Variants in NTN1 observed in about 807,000 individuals in gnomAD.
NTN1 encodes the protein netrin 1.
Under a neutral mutation model 54.2 loss-of-function variants are expected in NTN1, and 11 were observed. The ratio of observed to expected loss-of-function variants is 0.20; its 90% CI spans 0.13 to 0.34. NTN1 has a LOEUF of 0.34. NTN1 is among the 10% of genes least tolerant of loss of function. The probability of loss-of-function intolerance (pLI) is 1.00; values close to 1 mark genes in which losing one functional copy is unlikely to be tolerated. For synonymous variants in NTN1, 371 were observed against 382.0 expected (o/e 0.97, Z 0.33); for missense variants, 740 against 893.1 (o/e 0.83, Z 2.18).
At chr17:9,092,859 C>T (rs1054044993) in intron 2 of NTN1, among the ~76,000 whole-genome samples, 6 of 151,968 alleles carry the variant, frequency 3.9e-5, no homozygotes, top group African/African-American at 7.3e-5. Context: ...CCCAGGTTCA[C>T]GCCATTCTCC....
intron 2 of NTN1, among the ~76,000 whole-genome samples, chr17:9,107,027 A>C (rs1187625785): frequency 6.6e-6 from 1 of 152,192 alleles, no homozygotes; most frequent in East Asian, 1.9e-4. Context: ...GTGGTCCCTC[A>C]TCTAGATAAA....
intron 3 of NTN1, among the ~76,000 whole-genome samples, 196 bp from the exon 4 acceptor site, chr17:9,179,611 A>T (rs1397052267): frequency 6.6e-6 from 1 of 151,926 alleles, no homozygotes; most frequent in Non-Finnish European, 1.5e-5. Flanking sequence ...TTTGGTTTTT[A>T]TTCTCCGTTT....
rs867203426 is a variant in NTN1, at chr17:9,033,905, G to A, written c.1018+10514G>A. Among the ~76,000 whole-genome samples the A allele has an allele frequency of 1.4e-4, 15 of 107,644 alleles. No individual in the cohort carries two copies. The South Asian group carries it at 3.0e-3, about 21-fold the overall frequency. The allele number at this position is 107,644 out of a possible 152,430, so 70.6% of individuals were successfully genotyped here. The stretch of plus-strand genomic sequence containing the variant: ...GCATTCCAGCCTGGGCAACAAGAGC[G>A]AAACTCTGTCTCAAAAAAAAAAAAA... On this transcript the variant is annotated intron_variant, in intron 2 of 6. Coordinates refer to ENST00000173229, the MANE Select transcript of NTN1 (RefSeq NM_004822.3).
intron 2 of NTN1, among the ~76,000 whole-genome samples, chr17:9,061,568 G>T (rs1484316185): frequency 1.3e-5 from 2 of 152,160 alleles, no homozygotes; most frequent in East Asian, 1.9e-4. Context: ...TTGGAGTGGG[G>T]CCCTAGGATT....
chr17:9,202,618 A>G (rs1319913399), intron 5 of NTN1, among the ~76,000 whole-genome samples: 1 of 152,170 alleles, frequency 6.6e-6, no homozygotes, highest in Non-Finnish European at 1.5e-5. Context: ...TTCCCCATAA[A>G]TAGGGTTCCC....
At chr17:9,019,114 G>C (rs1363288171), upstream of NTN1, among the ~76,000 whole-genome samples, 1 of 152,144 alleles carries the variant, frequency 6.6e-6, no homozygotes, top group Non-Finnish European at 1.5e-5. Flanking sequence ...AGGTGTAGAG[G>C]TTGGAACTCC....
chr17:9,007,263 TCTCTTTC>T, the NTN1 span, among the ~76,000 whole-genome samples: 9 of 150,838 alleles, frequency 6.0e-5, no homozygotes, highest in African/African-American at 2.2e-4. Context: ...CTTCTCTTTC[TCTCTTTC>T]TTTTCTTTCA....
At chr17:9,020,491 G>A (rs2091842454), upstream of NTN1, among the ~76,000 whole-genome samples, 1 of 152,232 alleles carries the variant, frequency 6.6e-6, no homozygotes, top group African/African-American at 2.4e-5. Flanking sequence ...TGCATTTGAC[G>A]AATGCCCTGC....
intron 3 of NTN1, among the ~76,000 whole-genome samples, chr17:9,167,443 C>T (rs966339898): frequency 2.0e-5 from 3 of 152,168 alleles, no homozygotes; most frequent in African/African-American, 7.2e-5. Context: ...AGGAGTCTCC[C>T]GTGAACCGAA....
chr17:9,184,111 A>T (rs1168217151), intron 5 of NTN1, among the ~76,000 whole-genome samples: 1 of 152,248 alleles, frequency 6.6e-6, no homozygotes. Flanking sequence ...TACAGACTGG[A>T]TTTTGGAGAG....
At chr17:9,027,000 G>T (rs919516260) in intron 2 of NTN1, among the ~76,000 whole-genome samples, 3 of 152,128 alleles carry the variant, frequency 2.0e-5, no homozygotes. Context: ...GCTTGTGATT[G>T]TTTAAATGTG....
At chr17:9,230,451 C>CT (rs1247671213) in intron 6 of NTN1, among the ~76,000 whole-genome samples, 1 of 49,078 alleles carries the variant, frequency 2.0e-5, no homozygotes, top group Admixed American at 2.2e-4. Flanking sequence ...AGATGTGACC[C>CT]CCCCCCCGAG....
Position 9,162,977 on chromosome 17 carries a change from A to C in NTN1, c.1183A>C (p.Ile395Leu), listed in dbSNP as rs769085897. The C allele has an allele frequency of 6.2e-7, 1 of 1,612,358 alleles. No individual in the cohort carries two copies. The change falls in exon 3 of 7, where the codon ATC (isoleucine) becomes CTC (leucine). Residue 395 changes from isoleucine to leucine, a missense_variant. Physicochemically the swap from Ile to Leu is conservative, Grantham distance 5 (BLOSUM62 2). Coordinates refer to ENST00000173229, the MANE Select transcript of NTN1 (RefSeq NM_004822.3). ...EGYYRDMGKP[I>L]THRKACKACD... Reference sequence around the variant, plus strand: ...CTACTACCGCGACATGGGCAAGCCCATCACCCACCGGAAGGCCTGCAAAGG... The same window carrying C: ...CTACTACCGCGACATGGGCAAGCCCCTCACCCACCGGAAGGCCTGCAAAGG...
chr17:9,167,448 A>G (rs931820442), intron 3 of NTN1, among the ~76,000 whole-genome samples: 1 of 152,142 alleles, frequency 6.6e-6, no homozygotes, highest in Non-Finnish European at 1.5e-5. Flanking sequence ...TCTCCCGTGA[A>G]CCGAATTGTG....
At chr17:9,230,454 C>CCCCG (rs1555579405) in intron 6 of NTN1, among the ~76,000 whole-genome samples, 1 of 8,270 alleles carries the variant, frequency 1.2e-4, no homozygotes, top group African/African-American at 8.9e-4. Context: ...TGTGACCCCC[C>CCCCG]CCCCGAGTGC....
At chr17:9,197,921 C>A (rs1044793532) in intron 5 of NTN1, among the ~76,000 whole-genome samples, 1 of 152,216 alleles carries the variant, frequency 6.6e-6, no homozygotes, top group African/African-American at 2.4e-5. Context: ...TAGCTTCTAT[C>A]TTCACCAGAG....
chr17:9,091,750 G>T (rs1269964164), intron 2 of NTN1, among the ~76,000 whole-genome samples: 1 of 151,964 alleles, frequency 6.6e-6, no homozygotes, highest in East Asian at 1.9e-4. Context: ...ACCGTGTCCG[G>T]CCCGTTTAGC....
Position 9,221,275 on chromosome 17 carries a change from G to A in NTN1, c.1486+33G>A. On this transcript the variant is annotated intron_variant, in intron 6 of 6. Transcript: ENST00000173229. This position sits in a 1 kb window ranked among gnomAD's most constrained non-coding sequence, Gnocchi z 4.5. ...AGAGTCCCCTTGTCTGGGGAGGATG[G>A]GAGGGGGCCACGTGACCAGCGAGGT... 1 of 1,562,450 alleles carries A rather than the reference G, an allele frequency of 6.4e-7. No homozygotes were observed. Among genetic ancestry groups the A allele is most frequent in the Non-Finnish European group, 8.8e-7 (1 of 1,133,238 alleles).
At chr17:9,064,553 C>A (rs1359319800) in intron 2 of NTN1, among the ~76,000 whole-genome samples, 1 of 152,198 alleles carries the variant, frequency 6.6e-6, no homozygotes, top group Non-Finnish European at 1.5e-5. Context: ...TCAGTTCCTC[C>A]CTGAGTCTGA....
Sources: allele counts gnomAD v4.1 joint callset (sites outside exome capture counted in the v4.1 genomes callset), GRCh38; gene constraint gnomAD v4.1.1; non-coding constraint Gnocchi (gnomAD v3.1); transcripts MANE v1.5; gene names NCBI Gene and HGNC (gene_info 2026-07-23, HGNC 2026-07-21).